The following TRDN variants were observed in gnomAD, a reference collection of about 807,000 sequenced individuals.
TRDN encodes the protein triadin.
Under a neutral mutation model 149.7 loss-of-function variants are expected in TRDN, and 161 were observed. That is an observed-to-expected ratio of 1.08 (90% CI 0.95 to 1.23). The LOEUF is 1.23. Among genes scored for constraint, TRDN ranks in the 50% most tolerant of loss-of-function variants. The probability of loss-of-function intolerance (pLI) is 0.00; values close to 1 mark genes in which losing one functional copy is unlikely to be tolerated. For missense variants in TRDN, 896 were observed against 823.5 expected (o/e 1.09, Z -1.08); for synonymous variants, 294 against 250.5 (o/e 1.17, Z -1.64).
intron 21 of TRDN, among the ~76,000 whole-genome samples, chr6:123,342,406 C>G (rs1780097501): frequency 6.6e-6 from 1 of 151,730 alleles, no homozygotes; most frequent in South Asian, 2.1e-4. Flanking sequence ...GTAGTCCCAT[C>G]AATTTAAGAT....
At chr6:123,446,853 T>A (rs1775408599) in intron 10 of TRDN, among the ~76,000 whole-genome samples, 1 of 151,312 alleles carries the variant, frequency 6.6e-6, no homozygotes, top group Non-Finnish European at 1.5e-5. Context: ...GATTTTGTGA[T>A]CAAATTGAAA....
At chr6:123,535,995 C>A in intron 4 of TRDN, among the ~76,000 whole-genome samples, 1 of 152,080 alleles carries the variant, frequency 6.6e-6, no homozygotes, top group East Asian at 1.9e-4. Context: ...AGTCAATCTG[C>A]TCAATTCAAA....
intron 12 of TRDN, among the ~76,000 whole-genome samples, chr6:123,432,798 A>T (rs113864027): frequency 0.015 from 2,236 of 152,196 alleles, 46 homozygotes; most frequent in African/African-American, 0.051. Context: ...TTCTTGAAAC[A>T]TCTATTTCTG....
At chr6:123,585,194 G>A (rs1015997498) in intron 1 of TRDN, among the ~76,000 whole-genome samples, 1 of 149,970 alleles carries the variant, frequency 6.7e-6, no homozygotes, top group African/African-American at 2.4e-5. Context: ...TGGGAAGAAG[G>A]GCAGCAATGA....
intron 1 of TRDN, among the ~76,000 whole-genome samples, chr6:123,597,118 G>C (rs1465735649): frequency 6.6e-6 from 1 of 152,042 alleles, no homozygotes; most frequent in Non-Finnish European, 1.5e-5. Context: ...AAAAACATTT[G>C]GGATTCAAAG....
At chr6:123,429,910 T>C (rs1056250685) in intron 12 of TRDN, among the ~76,000 whole-genome samples, 2 of 152,228 alleles carry the variant, frequency 1.3e-5, no homozygotes, top group African/African-American at 2.4e-5. Context: ...ATGTGGTCTA[T>C]TTACTGATAT....
chr6:123,409,452 G>C (rs976608450), intron 12 of TRDN, among the ~76,000 whole-genome samples: 5 of 152,120 alleles, frequency 3.3e-5, no homozygotes, highest in African/African-American at 1.2e-4. Flanking sequence ...AGTTTTCAAA[G>C]GCTCATATTG....
At chr6:123,409,118 G>A (rs1047695127) in intron 12 of TRDN, among the ~76,000 whole-genome samples, 2 of 152,124 alleles carry the variant, frequency 1.3e-5, no homozygotes, top group African/African-American at 2.4e-5. Context: ...GTTACTCCTG[G>A]AAATGGAAAT....
chr6:123,240,665 C>T (rs1407114204), intron 38 of TRDN, among the ~76,000 whole-genome samples: 1 of 151,770 alleles, frequency 6.6e-6, no homozygotes, highest in Non-Finnish European at 1.5e-5. Flanking sequence ...ATTATTCAAA[C>T]TCATTTTGTA....
intron 5 of TRDN, among the ~76,000 whole-genome samples, chr6:123,518,571 T>C (rs1421670370): frequency 6.6e-6 from 1 of 152,144 alleles, no homozygotes; most frequent in East Asian, 1.9e-4. Context: ...GATTTTCAGA[T>C]TGACGTGTGC....
chr6:123,429,363 T>G (rs189722781), intron 12 of TRDN: 1 of 152,342 alleles, frequency 6.6e-6, no homozygotes, highest in Admixed American at 6.5e-5. Context: ...AAAATGCTGC[T>G]GATAAAATGA....
rs991568141 is a variant in TRDN at position 123,273,333 on chromosome 6, A to G, written c.1624+4T>C. ...TAAGCATAAAAGATAAAATTAATAC[A>G]TACTGTGTATTTGCACTTTTTCAGA... On this transcript the variant is annotated splice_donor_region_variant and intron_variant, in intron 28 of 40. Transcript: ENST00000334268. The G allele has an allele frequency of 1.9e-6, 2 of 1,066,350 alleles. No homozygotes were observed. The highest frequency in any genetic ancestry group is 7.6e-5 in the Admixed American group (2 of 26,382). 66.1% of individuals were successfully genotyped at this position (1,066,350 alleles called of 1,614,324 possible).
intron 20 of TRDN, among the ~76,000 whole-genome samples, chr6:123,355,703 A>G (rs191695501): frequency 6.6e-6 from 1 of 151,934 alleles, no homozygotes; most frequent in African/African-American, 2.4e-5. Flanking sequence ...ATGAATTAAT[A>G]GATCATTTTG....
At chr6:123,286,445 A>G (rs1193342505) in intron 24 of TRDN, among the ~76,000 whole-genome samples, 1 of 152,104 alleles carries the variant, frequency 6.6e-6, no homozygotes, top group East Asian at 1.9e-4. Flanking sequence ...CAAACATTGT[A>G]TGTTCTCACT....
chr6:123,455,021 GA>G (rs1776022570), intron 10 of TRDN, among the ~76,000 whole-genome samples: 2 of 152,140 alleles, frequency 1.3e-5, no homozygotes, highest in South Asian at 4.1e-4. Context: ...TATACTCTGT[GA>G]AAAACTTTCA....
At chr6:123,402,594 A>C (rs1394889838) in intron 12 of TRDN, among the ~76,000 whole-genome samples, 1 of 152,216 alleles carries the variant, frequency 6.6e-6, no homozygotes, top group Non-Finnish European at 1.5e-5. Flanking sequence ...CTTTTGTCTT[A>C]GTACATTGAG....
Position 123,292,922 on chromosome 6 carries a change from C to T in TRDN, c.1511-13840G>A, listed in dbSNP as rs769851428. On this transcript the variant is annotated intron_variant, in intron 24 of 40. Coordinates refer to ENST00000334268, the MANE Select transcript of TRDN (RefSeq NM_006073.4). ...TTCCTTTGTATCACTTTAGCCAATC[C>T]CTTGGGAAACATCTCTTTTGTCTTT... 2.0e-5 allele frequency among the ~76,000 whole-genome samples: 3 copies of T among 152,190 alleles called. No individual in the cohort carries two copies. In the South Asian group the frequency reaches 6.2e-4, roughly 32 times the overall value.
At chr6:123,380,442 C>T (rs937485347) in intron 16 of TRDN, among the ~76,000 whole-genome samples, 1 of 152,274 alleles carries the variant, frequency 6.6e-6, no homozygotes. Context: ...TAGCTCTGCA[C>T]ACACGTAAAT....
intron 12 of TRDN, among the ~76,000 whole-genome samples, chr6:123,420,958 T>C (rs1348640739): frequency 6.6e-6 from 1 of 152,250 alleles, no homozygotes; most frequent in Non-Finnish European, 1.5e-5. Flanking sequence ...GAAAACAGTA[T>C]GTTTTTAAAA....
Sources: allele counts gnomAD v4.1 joint callset (sites outside exome capture counted in the v4.1 genomes callset), GRCh38; gene constraint gnomAD v4.1.1; transcripts MANE v1.5; gene names NCBI Gene and HGNC (gene_info 2026-07-23, HGNC 2026-07-21).